The following SGCZ variants were observed in gnomAD, a reference collection of about 807,000 sequenced individuals.
The protein encoded by SGCZ is sarcoglycan zeta, also known as zeta-sarcoglycan.
In SGCZ, 40 loss-of-function variants were observed where a neutral mutation model predicts 41.3. The ratio of observed to expected loss-of-function variants is 0.97; its 90% CI spans 0.75 to 1.26. SGCZ has a LOEUF of 1.26. Ranked by LOEUF, SGCZ falls within the 50% of genes most tolerant of loss-of-function variation. The pLI, the probability that SGCZ is intolerant of heterozygous loss-of-function variation, is 0.00. For missense variants in SGCZ, 552 were observed against 369.8 expected (o/e 1.49, Z -4.04); for synonymous variants, 206 against 137.5 (o/e 1.50, Z -3.49).
intron 2 of SGCZ, among the ~76,000 whole-genome samples, chr8:14,424,110 CA>C (rs1197452683): frequency 1.4e-4 from 21 of 152,092 alleles, no homozygotes; most frequent in South Asian, 8.3e-4. Context: ...AAAATTCAGC[CA>C]GGGGGAAATT....
intron 7 of SGCZ, among the ~76,000 whole-genome samples, chr8:14,091,220 T>G (rs1443262461): frequency 1.3e-5 from 2 of 151,934 alleles, no homozygotes; most frequent in Admixed American, 1.3e-4. Flanking sequence ...CTACATTTTT[T>G]TAATCTAGTG....
chr8:15,159,669 G>A (rs564985783), intron 1 of SGCZ, among the ~76,000 whole-genome samples: 1 of 150,596 alleles, frequency 6.6e-6, no homozygotes, highest in Non-Finnish European at 1.5e-5. Context: ...AGTGGTGTGA[G>A]AACAGAGGAA....
In SGCZ at chr8:14,695,963, G is replaced by T. The variant is rs180836347; in HGVS notation, c.40-141037C>A. On this transcript the variant is annotated intron_variant, in intron 1 of 7. Transcript: ENST00000382080. ...AATAAAAGCTAAAACCTTCCAAATT[G>T]CTTCTACAATTACCATATCAGTGAA... 1.2e-3 allele frequency among the ~76,000 whole-genome samples: 177 copies of T among 152,120 alleles called. 1 individual carries two copies. Among genetic ancestry groups the T allele is most frequent in the Middle Eastern group, 6.8e-3 (2 of 294 alleles).
intron 1 of SGCZ, among the ~76,000 whole-genome samples, chr8:14,906,926 A>C (rs1398027510): frequency 6.6e-6 from 1 of 152,208 alleles, no homozygotes; most frequent in Non-Finnish European, 1.5e-5. Flanking sequence ...GTATTTTCAA[A>C]TACATATACT....
At chr8:15,065,415 AATTATTATT>A (rs200765691) in intron 1 of SGCZ, among the ~76,000 whole-genome samples, 2,366 of 137,446 alleles carry the variant, frequency 0.017, 32 homozygotes, top group Middle Eastern at 0.019. Context: ...ATGGTATTGT[AATTATTATT>A]ATTATTATTA....
intron 1 of SGCZ, among the ~76,000 whole-genome samples, chr8:14,675,229 C>T (rs939258794): frequency 9.2e-5 from 14 of 151,598 alleles, no homozygotes; most frequent in Admixed American, 3.3e-4. Context: ...TGTGAGCCAC[C>T]GCACCCGGCC....
chr8:14,530,138 T>A (rs895890690), intron 2 of SGCZ, among the ~76,000 whole-genome samples: 10 of 152,018 alleles, frequency 6.6e-5, no homozygotes, highest in Admixed American at 2.6e-4. Flanking sequence ...TATTATGGTA[T>A]TACAGATAAT....
intron 1 of SGCZ, among the ~76,000 whole-genome samples, chr8:14,562,852 G>T (rs1397038309): frequency 1.3e-5 from 2 of 152,124 alleles, no homozygotes; most frequent in South Asian, 2.1e-4. Flanking sequence ...ATCAATAATT[G>T]AAGTGACGAA....
intron 1 of SGCZ, among the ~76,000 whole-genome samples, chr8:14,562,982 A>G (rs1361877682): frequency 6.6e-6 from 1 of 152,194 alleles, no homozygotes; most frequent in Non-Finnish European, 1.5e-5. Context: ...ATAGACAGGT[A>G]ATAATTATTA....
At chr8:14,464,275 T>C (rs77609645) in intron 2 of SGCZ, among the ~76,000 whole-genome samples, 1 of 151,390 alleles carries the variant, frequency 6.6e-6, no homozygotes, top group Non-Finnish European at 1.5e-5. Flanking sequence ...GATTTTTTTT[T>C]GGTTACTAAC....
chr8:15,174,901 G>T (rs144440834), intron 1 of SGCZ, among the ~76,000 whole-genome samples: 1 of 152,074 alleles, frequency 6.6e-6, no homozygotes, highest in African/African-American at 2.4e-5. Flanking sequence ...GTTGGGAGGA[G>T]TGTAAATTAA....
At chr8:14,437,293 T>C (rs947140858) in intron 2 of SGCZ, among the ~76,000 whole-genome samples, 5 of 152,282 alleles carry the variant, frequency 3.3e-5, no homozygotes, top group Non-Finnish European at 5.9e-5. Context: ...TTATACCACA[T>C]TGAAAGAAAA....
At chr8:14,560,712 A>G (rs573325123) in intron 1 of SGCZ, among the ~76,000 whole-genome samples, 7 of 152,296 alleles carry the variant, frequency 4.6e-5, no homozygotes, top group African/African-American at 1.7e-4. Context: ...GAAATAAAAC[A>G]TACACAACTA....
intron 2 of SGCZ, among the ~76,000 whole-genome samples, chr8:14,443,330 C>G (rs1272749784): frequency 2.0e-5 from 3 of 151,994 alleles, no homozygotes; most frequent in Admixed American, 1.3e-4. Context: ...CATATGGAAC[C>G]AAAAAAGAGC....
At chr8:14,926,230 C>G (rs1799745239) in intron 1 of SGCZ, among the ~76,000 whole-genome samples, 1 of 151,900 alleles carries the variant, frequency 6.6e-6, no homozygotes, top group South Asian at 2.1e-4. Context: ...ATTTGTCGTT[C>G]AAATTTTGGA....
intron 1 of SGCZ, among the ~76,000 whole-genome samples, chr8:15,148,028 T>C (rs953440872): frequency 6.6e-6 from 1 of 150,498 alleles, no homozygotes; most frequent in South Asian, 2.1e-4. Flanking sequence ...ATTTACATTT[T>C]CTCTCTTTTC....
chr8:14,858,982 A>G (rs1268214597), intron 1 of SGCZ, among the ~76,000 whole-genome samples: 2 of 152,100 alleles, frequency 1.3e-5, no homozygotes, highest in African/African-American at 4.8e-5. Context: ...TACTTTGCTA[A>G]TTTTTGAAAA....
intron 1 of SGCZ, among the ~76,000 whole-genome samples, chr8:14,630,806 G>A (rs554589091): frequency 6.7e-6 from 1 of 148,618 alleles, no homozygotes; most frequent in Non-Finnish European, 1.5e-5. Context: ...TCACTCATAG[G>A]TGGGAATTGA....
chr8:14,162,816 G>A (rs751113243), intron 5 of SGCZ: 1 of 152,140 alleles, frequency 6.6e-6, no homozygotes, highest in Non-Finnish European at 1.5e-5. Context: ...ACCCAGTGAG[G>A]GTTCCCATTC....
Sources: allele counts gnomAD v4.1 joint callset (sites outside exome capture counted in the v4.1 genomes callset), GRCh38; gene constraint gnomAD v4.1.1; transcripts MANE v1.5; gene names NCBI Gene and HGNC (gene_info 2026-07-23, HGNC 2026-07-21).